The following WBP1L variants were observed in gnomAD, a reference collection of about 807,000 sequenced individuals.
The protein encoded by WBP1L is WW domain binding protein 1 like.
In WBP1L, 17 loss-of-function variants were observed where a neutral mutation model predicts 33.7. The ratio of observed to expected loss-of-function variants is 0.50; its 90% CI spans 0.34 to 0.76. The LOEUF (loss-of-function observed/expected upper bound fraction) is 0.76. Ranked by LOEUF, WBP1L falls within the 30% of genes least tolerant of loss-of-function variation. WBP1L has a pLI of 0.01. For synonymous variants in WBP1L, 173 were observed against 190.8 expected, an observed-to-expected ratio of 0.91 and a Z score of 0.77; for missense variants, 389 against 469.4, an observed-to-expected ratio of 0.83 and a Z score of 1.58.
intron 1 of WBP1L, among the ~76,000 whole-genome samples, chr10:102,758,086 T>C (rs1484735778): frequency 6.6e-6 from 1 of 151,606 alleles, no homozygotes. Flanking sequence ...GGTTTCCCCA[T>C]GTTGGCCAGA....
At chr10:102,812,141 A>G (rs959116961) in intron 3 of WBP1L, among the ~76,000 whole-genome samples, 2 of 152,210 alleles carry the variant, frequency 1.3e-5, no homozygotes, top group African/African-American at 4.8e-5. Context: ...TTGGAAGGTT[A>G]GGAGGAAGAA....
intron 1 of WBP1L, among the ~76,000 whole-genome samples, chr10:102,751,555 G>A (rs998336102): frequency 2.0e-5 from 3 of 152,154 alleles, no homozygotes; most frequent in African/African-American, 4.8e-5. Flanking sequence ...CGATCTGCTC[G>A]CCTTGGCCTC....
chr10:102,747,379 AAGAATG>A (rs1283195884), intron 1 of WBP1L, among the ~76,000 whole-genome samples: 13 of 151,902 alleles, frequency 8.6e-5, no homozygotes, highest in African/African-American at 2.9e-4. Context: ...AAAAAAAAAA[AAGAATG>A]AGAAAACAGT....
chr10:102,809,885 C>A lies in WBP1L; in HGVS notation c.194-8C>A. 6.2e-7 allele frequency: 1 copy of A among 1,602,552 alleles called. No individual in the cohort carries two copies. The highest frequency in any genetic ancestry group is 8.5e-7 in the Non-Finnish European group (1 of 1,174,616). On this transcript the variant is annotated splice_region_variant and splice_polypyrimidine_tract_variant and intron_variant, in intron 2 of 3. Transcript: ENST00000448841. ...GTGCCTCTCTGTCTTGCCTTGCCCA[C>A]CCCCCAGGGTTCTGGCTGGTGTGGA... is the stretch of plus-strand genomic sequence containing the variant.
intron 1 of WBP1L, among the ~76,000 whole-genome samples, chr10:102,795,931 A>G (rs74371703): frequency 0.022 from 3,397 of 152,302 alleles, 65 homozygotes; most frequent in South Asian, 0.11. Context: ...CTAGATAGCC[A>G]GTGTCTCATT....
chr10:102,754,204 G>A (rs1191956215), intron 1 of WBP1L, among the ~76,000 whole-genome samples: 3 of 152,180 alleles, frequency 2.0e-5, no homozygotes, highest in Non-Finnish European at 4.4e-5. Flanking sequence ...ATACAGAATT[G>A]AATAGTGTGA....
chr10:102,791,327 A>G (rs1843494383), intron 1 of WBP1L, among the ~76,000 whole-genome samples: 1 of 152,124 alleles, frequency 6.6e-6, no homozygotes, highest in Non-Finnish European at 1.5e-5. Flanking sequence ...ATAGCAGAAT[A>G]ATTTTTAGTT....
chr10:102,814,974 T>C lies in WBP1L; in HGVS notation c.*1643T>C, dbSNP rs1402467935. ...AGATTCCACAAAACCAAAATCCATGTTGAACAAAGTTAAGTCCGTACACAG... is the reference window on the plus strand; with the variant it reads ...AGATTCCACAAAACCAAAATCCATGCTGAACAAAGTTAAGTCCGTACACAG... On this transcript the variant is annotated 3_prime_UTR_variant, in exon 4 of 4. Coordinates refer to ENST00000448841, the MANE Select transcript of WBP1L (RefSeq NM_001083913.2). 1 of 152,576 alleles carries C rather than the reference T, an allele frequency of 6.6e-6. No homozygotes were observed. The highest frequency in any genetic ancestry group is 1.9e-4 in the East Asian group (1 of 5,192). The allele number at this position is 152,576 out of a possible 1,614,324, so 9.5% of individuals were successfully genotyped here. A position where few individuals can be genotyped will look rare whatever the true frequency, so the allele number is the denominator to read the frequency against.
At position 102,799,736 on chromosome 10, in the gene WBP1L, G is replaced by A. The variant is rs529916669; in HGVS notation, c.193+1641G>A. 1.1e-4 allele frequency among the ~76,000 whole-genome samples: 16 copies of A among 152,038 alleles called. No individual in the cohort carries two copies. In the South Asian group the frequency reaches 3.1e-3, roughly 30 times the overall value. On this transcript the variant is annotated intron_variant, in intron 2 of 3. Transcript: ENST00000448841. ...ACCTTGCCCCCACCATCCTATCTGCGCCTTTCCCCTTTCTCATCCCCCCCA... is the reference window on the plus strand; with the variant it reads ...ACCTTGCCCCCACCATCCTATCTGCACCTTTCCCCTTTCTCATCCCCCCCA...
At chr10:102,750,785 G>A (rs562482500) in intron 1 of WBP1L, among the ~76,000 whole-genome samples, 2 of 152,174 alleles carry the variant, frequency 1.3e-5, no homozygotes, top group South Asian at 2.1e-4. Flanking sequence ...ACAGGTGTGA[G>A]CCACCACGCC....
chr10:102,748,610 G>C (rs1355087671), intron 1 of WBP1L, among the ~76,000 whole-genome samples: 2 of 152,158 alleles, frequency 1.3e-5, no homozygotes, highest in Non-Finnish European at 2.9e-5. Flanking sequence ...ATCAAAGAAT[G>C]GACATTTACT....
At chr10:102,774,723 A>C (rs952576230) in intron 1 of WBP1L, among the ~76,000 whole-genome samples, 15 of 152,168 alleles carry the variant, frequency 9.9e-5, no homozygotes, top group African/African-American at 3.4e-4. Flanking sequence ...TGCCACTACC[A>C]TGGAGGCCTT....
At position 102,743,979 on chromosome 10, in the gene WBP1L, AGAG is replaced by A. The variant is rs1842828361; in HGVS notation, c.-73_-71del. 7 of 1,105,656 alleles carry A rather than the reference AGAG, an allele frequency of 6.3e-6. No individual in the cohort carries two copies. In the Admixed American group the frequency reaches 1.7e-4, roughly 26 times the overall value. 68.5% of individuals were successfully genotyped at this position (1,105,656 alleles called of 1,614,324 possible). Reference sequence around the variant, plus strand: ...CAGGAAAAGAAGGGAAGAAGGAAGAAGAGGGTAGAGGAGGAGAGGGAGGAGGAG... The same window carrying A: ...CAGGAAAAGAAGGGAAGAAGGAAGAAGGTAGAGGAGGAGAGGGAGGAGGAG... On this transcript the variant is annotated 5_prime_UTR_variant, in exon 1 of 4. Coordinates refer to ENST00000448841, the MANE Select transcript of WBP1L (RefSeq NM_001083913.2).
At chr10:102,769,185 A>T (rs959148079) in intron 1 of WBP1L, among the ~76,000 whole-genome samples, 17 of 152,120 alleles carry the variant, frequency 1.1e-4, no homozygotes, top group Non-Finnish European at 1.5e-5. Context: ...GGGTCTCCCT[A>T]TGTTGCTCAG....
At chr10:102,812,480 C>T in intron 3 of WBP1L, 115 bp from the exon 4 acceptor site, 1 of 1,266,598 alleles carries the variant, frequency 7.9e-7, no homozygotes, top group Non-Finnish European at 1.1e-6. Context: ...GTAGCCATCA[C>T]TTGTTGGGTG....
At chr10:102,801,245 A>T (rs1332543564) in intron 2 of WBP1L, among the ~76,000 whole-genome samples, 1 of 152,176 alleles carries the variant, frequency 6.6e-6, no homozygotes, top group Non-Finnish European at 1.5e-5. Context: ...GATCGTTGTT[A>T]GTATTATCTC....
At chr10:102,792,212 C>G (rs1001733469) in intron 1 of WBP1L, among the ~76,000 whole-genome samples, 2 of 152,182 alleles carry the variant, frequency 1.3e-5, no homozygotes, top group African/African-American at 4.8e-5. Flanking sequence ...CACTGTGGCA[C>G]CGGGGCTGAA....
intron 2 of WBP1L, among the ~76,000 whole-genome samples, chr10:102,799,965 T>C (rs916212351): frequency 6.6e-6 from 1 of 152,172 alleles, no homozygotes; most frequent in African/African-American, 2.4e-5. Context: ...CTCATCTGCC[T>C]TTCTGAGGAA....
At chr10:102,751,464 C>T (rs1170256188) in intron 1 of WBP1L, among the ~76,000 whole-genome samples, 2 of 151,796 alleles carry the variant, frequency 1.3e-5, no homozygotes, top group Admixed American at 6.6e-5. Flanking sequence ...TGCGCACCCA[C>T]ACCCAGTTAA....
Sources: gnomAD v4.1 joint callset for allele counts (sites outside exome capture counted in the v4.1 genomes callset) on GRCh38, gnomAD v4.1.1 for gene constraint, MANE v1.5 for transcripts, NCBI Gene and HGNC (gene_info 2026-07-23, HGNC 2026-07-21) for gene names.